The following STON2 variants were observed in gnomAD, a reference collection of about 807,000 sequenced individuals.
STON2 encodes stonin 2.
Under a neutral mutation model 65.7 loss-of-function variants are expected in STON2, and 29 were observed. That is an observed-to-expected ratio of 0.44 (90% CI 0.33 to 0.60). The LOEUF (loss-of-function observed/expected upper bound fraction) is 0.60. STON2 is among the 20% of genes least tolerant of loss of function. The pLI, the probability that STON2 is intolerant of heterozygous loss-of-function variation, is 0.03. For synonymous variants in STON2, 404 were observed against 414.2 expected (o/e 0.98, Z 0.30); for missense variants, 1,054 against 1,118.1 (o/e 0.94, Z 0.82).
intron 6 of STON2, among the ~76,000 whole-genome samples, chr14:81,271,888 C>A (rs1894609936): frequency 6.6e-6 from 1 of 152,138 alleles, no homozygotes; most frequent in South Asian, 2.1e-4. Flanking sequence ...ATGTTACCTT[C>A]ATTTTATAGT....
chr14:81,275,131 T>C (rs1894761020), intron 6 of STON2, among the ~76,000 whole-genome samples: 1 of 152,074 alleles, frequency 6.6e-6, no homozygotes, highest in African/African-American at 2.4e-5. Flanking sequence ...AAGTCTTTGT[T>C]GCTTATAATA....
intron 4 of STON2, among the ~76,000 whole-genome samples, chr14:81,354,989 GA>G (rs777805088): frequency 0.016 from 2,097 of 133,456 alleles, 59 homozygotes; most frequent in African/African-American, 0.053. Context: ...CGTCTCAGAA[GA>G]AAAAAAAAAA....
At chr14:81,336,007 A>C (rs1298832639) in intron 4 of STON2, among the ~76,000 whole-genome samples, 1 of 152,080 alleles carries the variant, frequency 6.6e-6, no homozygotes, top group African/African-American at 2.4e-5. Flanking sequence ...GGGGCTACTC[A>C]GGACTGAGTA....
intron 4 of STON2, among the ~76,000 whole-genome samples, chr14:81,367,142 T>C (rs980100405): frequency 1.3e-5 from 2 of 152,008 alleles, no homozygotes; most frequent in Non-Finnish European, 2.9e-5. Context: ...ACAGATATCC[T>C]TGAAGCTCTC....
At chr14:81,369,153 T>C (rs1337971210) in intron 4 of STON2, among the ~76,000 whole-genome samples, 2 of 152,162 alleles carry the variant, frequency 1.3e-5, no homozygotes, top group Non-Finnish European at 2.9e-5. Context: ...TTTTCTATGA[T>C]TCCAGCGCTT....
At chr14:81,322,204 T>C (rs967527526) in intron 5 of STON2, among the ~76,000 whole-genome samples, 3 of 152,128 alleles carry the variant, frequency 2.0e-5, no homozygotes, top group African/African-American at 2.4e-5. Context: ...ATTCTATTCC[T>C]GAGCACTGAT....
At chr14:81,379,925 A>T (rs1899434412) in intron 3 of STON2, among the ~76,000 whole-genome samples, 1 of 152,234 alleles carries the variant, frequency 6.6e-6, no homozygotes, top group African/African-American at 2.4e-5. Flanking sequence ...CATTCTGGAC[A>T]TTGGCCCTAG....
At chr14:81,400,623 G>A (rs1344723553), upstream of STON2, among the ~76,000 whole-genome samples, 2 of 152,086 alleles carry the variant, frequency 1.3e-5, no homozygotes, top group African/African-American at 4.8e-5. Flanking sequence ...AGAGAACAGG[G>A]GACGAAGGTG....
chr14:81,397,197 T>G (rs1214306845), intron 2 of STON2, among the ~76,000 whole-genome samples: 1 of 152,182 alleles, frequency 6.6e-6, no homozygotes, highest in Non-Finnish European at 1.5e-5. Context: ...AAATAATTAA[T>G]ATAAAATCTT....
At chr14:81,373,076 A>G (rs1277065250) in intron 3 of STON2, among the ~76,000 whole-genome samples, 1 of 152,046 alleles carries the variant, frequency 6.6e-6, no homozygotes, top group African/African-American at 2.4e-5. Flanking sequence ...TAGTGTTATC[A>G]CTGTCTAATG....
intron 4 of STON2, among the ~76,000 whole-genome samples, chr14:81,363,647 A>G (rs1230167000): frequency 2.0e-5 from 3 of 152,158 alleles, no homozygotes; most frequent in African/African-American, 7.2e-5. Flanking sequence ...CTGCTCTGCT[A>G]TTCTTCCATT....
At chr14:81,341,331 G>A (rs1359737162) in intron 4 of STON2, among the ~76,000 whole-genome samples, 1 of 152,156 alleles carries the variant, frequency 6.6e-6, no homozygotes, top group Admixed American at 6.5e-5. Flanking sequence ...GATACAAGAA[G>A]GGAGAGGGTT....
In STON2 at chr14:81,393,001, C is replaced by T. The variant is rs116960351; in HGVS notation, c.373+2893G>A. Among the ~76,000 whole-genome samples the T allele has an allele frequency of 3.9e-3, 598 of 152,266 alleles. 2 individuals carry two copies. The highest frequency in any genetic ancestry group is 0.017 in the Middle Eastern group (5 of 294). ...ATGAAAATGATTTTAACCCCAAAGA[C>T]GCCTTGAAAGGGTCTCAGGAGACAG... On this transcript the variant is annotated intron_variant, in intron 3 of 7. Coordinates refer to ENST00000614646, the MANE Select transcript of STON2 (RefSeq NM_001394390.1).
chr14:81,315,702 G>A (rs1455635246), intron 5 of STON2, among the ~76,000 whole-genome samples: 1 of 152,236 alleles, frequency 6.6e-6, no homozygotes, highest in Non-Finnish European at 1.5e-5. Flanking sequence ...GCTGGGTGCT[G>A]TAGTCTTAGC....
intron 3 of STON2, among the ~76,000 whole-genome samples, chr14:81,376,085 A>G (rs1042622084): frequency 6.6e-6 from 1 of 151,964 alleles, no homozygotes; most frequent in Non-Finnish European, 1.5e-5. Flanking sequence ...GTCAGCTTAT[A>G]TTAGAAGACA....
At chr14:81,401,449 A>G (rs1018016725), upstream of STON2, among the ~76,000 whole-genome samples, 1 of 152,168 alleles carries the variant, frequency 6.6e-6, no homozygotes, top group African/African-American at 2.4e-5. Flanking sequence ...AAATCCATAA[A>G]ATGGATTTTA....
chr14:81,281,357 C>T (rs892598007), intron 5 of STON2, among the ~76,000 whole-genome samples: 2 of 152,110 alleles, frequency 1.3e-5, no homozygotes, highest in Non-Finnish European at 2.9e-5. Context: ...TAATCACTTC[C>T]TTGGAATGGT....
intron 4 of STON2, among the ~76,000 whole-genome samples, chr14:81,337,588 G>A (rs1897423495): frequency 6.6e-6 from 1 of 152,168 alleles, no homozygotes; most frequent in Non-Finnish European, 1.5e-5. Context: ...CAATTGAGCA[G>A]AGACATGAAT....
chr14:81,305,405 G>A (rs1455883368), intron 5 of STON2, among the ~76,000 whole-genome samples: 1 of 152,182 alleles, frequency 6.6e-6, no homozygotes, highest in Non-Finnish European at 1.5e-5. Flanking sequence ...AGCTATGACG[G>A]TGGGTGTGTG....
Sources: gnomAD v4.1 joint callset for allele counts (sites outside exome capture counted in the v4.1 genomes callset) on GRCh38, gnomAD v4.1.1 for gene constraint, MANE v1.5 for transcripts, NCBI Gene and HGNC (gene_info 2026-07-23, HGNC 2026-07-21) for gene names.